The following SAMHD1 variants were observed in gnomAD, a reference collection of about 807,000 sequenced individuals.
SAMHD1 encodes deoxynucleoside triphosphate triphosphohydrolase SAMHD1.
In SAMHD1, 54 loss-of-function variants were observed where a neutral mutation model predicts 79.6. The observed-to-expected ratio is 0.68, with a 90% CI of 0.55 to 0.85. The LOEUF (loss-of-function observed/expected upper bound fraction) is 0.85. Ranked by LOEUF, SAMHD1 falls within the 40% of genes least tolerant of loss-of-function variation. SAMHD1 has a pLI of 0.00. For synonymous variants in SAMHD1, 260 were observed against 264.1 expected, an observed-to-expected ratio of 0.98 and a Z score of 0.15; for missense variants, 663 against 782.7, an observed-to-expected ratio of 0.85 and a Z score of 1.82.
chr20:36,906,304 G>A (rs892526887), intron 11 of SAMHD1, among the ~76,000 whole-genome samples: 2 of 152,148 alleles, frequency 1.3e-5, no homozygotes, highest in East Asian at 1.9e-4. Flanking sequence ...CGGGCATGGC[G>A]GTGCATGCCT....
chr20:36,905,071 A>C, intron 12 of SAMHD1: 3 of 392,444 alleles, frequency 7.6e-6, no homozygotes. Context: ...GAATCTAGCC[A>C]AAATTGGAGA....
chr20:36,940,282 C>G (rs553277815), intron 3 of SAMHD1: 40 of 149,244 alleles, frequency 2.7e-4, no homozygotes, highest in African/African-American at 9.8e-4. Context: ...TAAAACAATA[C>G]TATACATTGT....
At chr20:36,939,901 G>A (rs940311113) in intron 3 of SAMHD1, among the ~76,000 whole-genome samples, 1 of 152,098 alleles carries the variant, frequency 6.6e-6, no homozygotes, top group African/African-American at 2.4e-5. Flanking sequence ...ACTCTGAAGA[G>A]CTTGTGAAAA....
intron 13 of SAMHD1, among the ~76,000 whole-genome samples, chr20:36,902,344 G>C (rs1990321163): frequency 6.6e-6 from 1 of 152,070 alleles, no homozygotes. Flanking sequence ...CACCATCCCT[G>C]GCTAATTTTT....
intron 1 of SAMHD1, 26 bp downstream of exon 1, chr20:36,951,410 C>T: frequency 6.2e-7 from 1 of 1,612,372 alleles, no homozygotes; most frequent in Non-Finnish European, 8.5e-7. Context: ...CCGCCCTTCG[C>T]CCCTCAGCCC....
chr20:36,941,270 T>A (rs2063642761), intron 2 of SAMHD1, among the ~76,000 whole-genome samples, 159 bp from the exon 3 acceptor site: 1 of 152,144 alleles, frequency 6.6e-6, no homozygotes, highest in African/African-American at 2.4e-5. Context: ...AGAAACTCTC[T>A]CCTTCCTTTG....
Position 36,892,932 on chromosome 20 carries a change from T to G in SAMHD1, c.1881A>C (p.Ter627CysextTer17). 1 of 1,614,012 alleles carries G rather than the reference T, an allele frequency of 6.2e-7. No individual in the cohort carries two copies. The highest frequency in any genetic ancestry group is 8.5e-7 in the Non-Finnish European group (1 of 1,179,994). Residue 627 changes from the stop codon to cysteine, a stop_lost, in exon 16 of 16, where the codon TGA becomes TGC. Transcript: ENST00000646673. ...RVQLFKDDPM* is the reference protein window; with the variant it reads ...RVQLFKDDPMC ...TTTGTAAACAACTGACTACAGACATTCACATTGGGTCATCTTTAAAAAGCT... is the reference window on the plus strand; with the variant it reads ...TTTGTAAACAACTGACTACAGACATGCACATTGGGTCATCTTTAAAAAGCT...
At chr20:36,910,275 G>A (rs1442127602) in intron 11 of SAMHD1, among the ~76,000 whole-genome samples, 2 of 149,986 alleles carry the variant, frequency 1.3e-5, no homozygotes, top group Non-Finnish European at 3.0e-5. Flanking sequence ...ATAGTCCCAA[G>A]TAGCCAAATC....
At chr20:36,903,755 TTGGCCAGGCTGGTTTTGAACTCC>T (rs1322311050) in intron 13 of SAMHD1, among the ~76,000 whole-genome samples, 1 of 95,374 alleles carries the variant, frequency 1.0e-5, no homozygotes, top group Non-Finnish European at 2.2e-5. Context: ...TTTTGCCTTG[TTGGCCAGGCTGGTTTTGAACTCC>T]TGACTCAGGT....
At position 36,946,657 on chromosome 20, in the gene SAMHD1, T is replaced by A. The variant is rs543819478; in HGVS notation, c.275+81A>T. 40 of 996,584 alleles carry A rather than the reference T, an allele frequency of 4.0e-5. No homozygotes were observed. In the African/African-American group the frequency reaches 6.2e-4, roughly 16 times the overall value. 61.7% of individuals were successfully genotyped at this position (996,584 alleles called of 1,614,324 possible). ...ATAGATTTAAAATGAGGACAGTTTATATCAGAGATTTTGGGCTTTGTCCCT... is the reference window on the plus strand; with the variant it reads ...ATAGATTTAAAATGAGGACAGTTTAAATCAGAGATTTTGGGCTTTGTCCCT... On this transcript the variant is annotated intron_variant, in intron 2 of 15. Coordinates refer to ENST00000646673, the MANE Select transcript of SAMHD1 (RefSeq NM_015474.4).
chr20:36,890,365 AT>A lies in SAMHD1; in HGVS notation c.*2566del, dbSNP rs952491782. Reference sequence around the variant, plus strand: ...TAGAGGCTAAGCTGTTAAAATTTCCATTTTTATACAAATAGCAAAGATATTT... The same window carrying A: ...TAGAGGCTAAGCTGTTAAAATTTCCATTTTATACAAATAGCAAAGATATTT... On this transcript the variant is annotated 3_prime_UTR_variant, in exon 16 of 16. Coordinates refer to ENST00000646673, the MANE Select transcript of SAMHD1 (RefSeq NM_015474.4). The A allele has an allele frequency of 1.3e-4, 13 of 100,800 alleles. No homozygotes were observed. The highest frequency in any genetic ancestry group is 2.4e-4 in the Non-Finnish European group (10 of 42,480). 6.2% of individuals were successfully genotyped at this position (100,800 alleles called of 1,614,324 possible).
chr20:36,908,377 G>A (rs965763028), intron 11 of SAMHD1, among the ~76,000 whole-genome samples: 2 of 152,000 alleles, frequency 1.3e-5, no homozygotes, highest in South Asian at 2.1e-4. Context: ...CTGAGTAGCT[G>A]GGACTACAGG....
At chr20:36,921,845 T>C (rs932054202) in intron 6 of SAMHD1, among the ~76,000 whole-genome samples, 1 of 152,074 alleles carries the variant, frequency 6.6e-6, no homozygotes, top group Non-Finnish European at 1.5e-5. Flanking sequence ...CCCACCACCA[T>C]GCCCAGATAA....
Position 36,891,408 on chromosome 20 carries a change from G to C in SAMHD1, c.*1524C>G, listed in dbSNP as rs1267376439. The C allele has an allele frequency of 2.0e-5, 3 of 152,302 alleles. No individual in the cohort carries two copies. The highest frequency in any genetic ancestry group is 4.8e-5 in the African/African-American group (2 of 41,458). The allele number at this position is 152,302 out of a possible 1,614,324, so 9.4% of individuals were successfully genotyped here. ...CCCTCACTCCCAGTGTGCCAGGGAG[G>C]CTTAGTCCGGGGAGCATCAGAGCAG... is the stretch of plus-strand genomic sequence containing the variant. On this transcript the variant is annotated 3_prime_UTR_variant, in exon 16 of 16. Coordinates refer to ENST00000646673, the MANE Select transcript of SAMHD1 (RefSeq NM_015474.4).
chr20:36,909,536 T>C (rs2063424217), intron 11 of SAMHD1, among the ~76,000 whole-genome samples: 2 of 151,372 alleles, frequency 1.3e-5, no homozygotes, highest in Non-Finnish European at 2.9e-5. Flanking sequence ...CTGGGCATGG[T>C]GGTGGGCGCC....
At chr20:36,904,358 G>C in intron 12 of SAMHD1, 109 bp from the exon 13 acceptor site, 1 of 786,294 alleles carries the variant, frequency 1.3e-6, no homozygotes, top group Non-Finnish European at 2.3e-6. Flanking sequence ...AACGATTAGA[G>C]ATATCCTTAA....
intron 15 of SAMHD1, chr20:36,893,313 GCATA>G: frequency 1.8e-6 from 1 of 555,212 alleles, no homozygotes; most frequent in East Asian, 3.2e-5. Context: ...ACTGGGAGCA[GCATA>G]CCACTGCCCA....
chr20:36,899,470 G>A (rs1286297130), intron 13 of SAMHD1, among the ~76,000 whole-genome samples: 3 of 151,948 alleles, frequency 2.0e-5, no homozygotes, highest in Admixed American at 2.0e-4. Context: ...CCACAAACCA[G>A]GCAGCCCTAG....
intron 2 of SAMHD1, 43 bp downstream of exon 2, chr20:36,946,695 A>C: frequency 6.8e-7 from 1 of 1,478,244 alleles, no homozygotes; most frequent in Admixed American, 1.8e-5. Context: ...AAGATGGATA[A>C]AGTGTGTTTG....
Sources: gnomAD v4.1 joint callset for allele counts (sites outside exome capture counted in the v4.1 genomes callset) on GRCh38, gnomAD v4.1.1 for gene constraint, MANE v1.5 for transcripts, NCBI Gene and HGNC (gene_info 2026-07-23, HGNC 2026-07-21) for gene names.